The following UHRF2 variants were observed in gnomAD, a reference collection of about 807,000 sequenced individuals.
UHRF2 encodes ubiquitin like with PHD and ring finger domains 2, also known as E3 ubiquitin-protein ligase UHRF2.
UHRF2 carries 23 observed loss-of-function variants against 96.8 expected under a neutral mutation model. The observed-to-expected ratio is 0.24, with a 90% confidence interval of 0.17 to 0.34. The LOEUF is 0.34. UHRF2 is among the 10% of genes least tolerant of loss of function. The probability of loss-of-function intolerance (pLI) is 1.00; values close to 1 mark genes in which losing one functional copy is unlikely to be tolerated. For synonymous variants in UHRF2, 385 were observed against 332.6 expected, an observed-to-expected ratio of 1.16 and a Z score of -1.72; for missense variants, 685 against 981.5, an observed-to-expected ratio of 0.70 and a Z score of 4.04.
At chr9:6,485,980 G>A (rs1453151492) in intron 8 of UHRF2, among the ~76,000 whole-genome samples, 1 of 152,136 alleles carries the variant, frequency 6.6e-6, no homozygotes, top group Non-Finnish European at 1.5e-5. Flanking sequence ...GAAATGGATA[G>A]CATGTTTGGG....
intron 4 of UHRF2, among the ~76,000 whole-genome samples, chr9:6,471,287 T>A (rs1563784554): frequency 1.3e-5 from 2 of 151,978 alleles, no homozygotes; most frequent in African/African-American, 4.8e-5. Context: ...AGGAGAAATA[T>A]GTGTTGGGCC....
At chr9:6,502,669 CT>C (rs1816363481) in intron 14 of UHRF2, among the ~76,000 whole-genome samples, 1 of 152,140 alleles carries the variant, frequency 6.6e-6, no homozygotes, top group Non-Finnish European at 1.5e-5. Flanking sequence ...CACAGACTGC[CT>C]TTTTATTACC....
At chr9:6,460,106 G>A (rs1365696832) in intron 3 of UHRF2, among the ~76,000 whole-genome samples, 1 of 152,172 alleles carries the variant, frequency 6.6e-6, no homozygotes, top group East Asian at 1.9e-4. Flanking sequence ...GTTTTGCTCT[G>A]GGAAGTCAAA....
At chr9:6,468,733 A>C (rs1170721219) in intron 4 of UHRF2, 6 of 455,346 alleles carry the variant, frequency 1.3e-5, no homozygotes, top group Non-Finnish European at 2.7e-5. Context: ...CAGCAGTCTT[A>C]GAAGGCATAC....
At chr9:6,451,479 G>T (rs199795827) in intron 3 of UHRF2, among the ~76,000 whole-genome samples, 2,353 of 110,792 alleles carry the variant, frequency 0.021, 73 homozygotes, top group African/African-American at 0.069. Context: ...TTTTTTTTTT[G>T]TTTGTTTGTT....
intron 9 of UHRF2, among the ~76,000 whole-genome samples, chr9:6,487,782 G>A (rs544184190): frequency 1.5e-4 from 23 of 152,306 alleles, no homozygotes; most frequent in African/African-American, 3.6e-4. Context: ...GATTATAGGC[G>A]TGAGCCACGG....
chr9:6,427,000 G>A (rs570133552), intron 2 of UHRF2, among the ~76,000 whole-genome samples: 2 of 152,238 alleles, frequency 1.3e-5, no homozygotes, highest in African/African-American at 2.4e-5. Flanking sequence ...CACCTGCCTC[G>A]GCCTCCCAAA....
intron 14 of UHRF2, among the ~76,000 whole-genome samples, chr9:6,502,874 T>C (rs918878552): frequency 1.3e-5 from 2 of 152,258 alleles, no homozygotes; most frequent in African/African-American, 4.8e-5. Context: ...AAAATGTGTT[T>C]ATAATACTTT....
At chr9:6,482,245 CTGGAGGT>C in intron 8 of UHRF2, 146 bp downstream of exon 8, 5 of 682,186 alleles carry the variant, frequency 7.3e-6, no homozygotes, top group South Asian at 1.9e-5. Flanking sequence ...TGTACTCTTC[CTGGAGGT>C]TAACAAAGGA....
intron 3 of UHRF2, among the ~76,000 whole-genome samples, chr9:6,449,918 A>C (rs1224798036): frequency 6.6e-6 from 1 of 152,130 alleles, no homozygotes; most frequent in Non-Finnish European, 1.5e-5. Context: ...ACTCTTAGAG[A>C]GCTTGTGTCT....
chr9:6,499,001 A>G (rs1007418179), intron 12 of UHRF2: 2 of 152,228 alleles, frequency 1.3e-5, no homozygotes, highest in Non-Finnish European at 2.9e-5. Context: ...GATTGTTGAA[A>G]ATAAGGCCAT....
At chr9:6,436,964 A>T (rs1235582811) in intron 3 of UHRF2, among the ~76,000 whole-genome samples, 2 of 152,180 alleles carry the variant, frequency 1.3e-5, no homozygotes, top group Non-Finnish European at 2.9e-5. Context: ...GGTAAATGTC[A>T]CCTCTTTAAA....
chr9:6,466,239 A>T (rs1272025947), intron 4 of UHRF2, among the ~76,000 whole-genome samples: 1 of 152,148 alleles, frequency 6.6e-6, no homozygotes, highest in East Asian at 1.9e-4. Flanking sequence ...CATCTCTACT[A>T]AAAATATAAA....
intron 3 of UHRF2, among the ~76,000 whole-genome samples, chr9:6,459,623 C>T (rs1014441970): frequency 2.0e-5 from 3 of 152,122 alleles, no homozygotes; most frequent in African/African-American, 7.2e-5. Flanking sequence ...GAGCTGAGAT[C>T]ACACCACTGC....
At chr9:6,493,192 G>C (rs1016415033) in intron 9 of UHRF2, among the ~76,000 whole-genome samples, 1 of 152,060 alleles carries the variant, frequency 6.6e-6, no homozygotes, top group Admixed American at 6.6e-5. Flanking sequence ...CAGCTGCTTG[G>C]GAGGCTGAGG....
At chr9:6,416,047 A>T (rs1473195877) in intron 1 of UHRF2, among the ~76,000 whole-genome samples, 1 of 152,006 alleles carries the variant, frequency 6.6e-6, no homozygotes, top group Non-Finnish European at 1.5e-5. Context: ...GGCAGTGTTA[A>T]TTGACTCCAC....
chr9:6,449,858 T>C (rs747658140), intron 3 of UHRF2, among the ~76,000 whole-genome samples: 3 of 152,140 alleles, frequency 2.0e-5, no homozygotes, highest in Non-Finnish European at 4.4e-5. Context: ...GTTGTCACAG[T>C]TGGTTGTTGG....
chr9:6,449,115 A>G (rs1167781149), intron 3 of UHRF2, among the ~76,000 whole-genome samples: 1 of 152,180 alleles, frequency 6.6e-6, no homozygotes, highest in Non-Finnish European at 1.5e-5. Context: ...TTGTGGCCCT[A>G]GAAACTGGAT....
chr9:6,458,963 AG>A (rs1376392136), intron 3 of UHRF2, among the ~76,000 whole-genome samples: 1 of 152,218 alleles, frequency 6.6e-6, no homozygotes, highest in Non-Finnish European at 1.5e-5. Context: ...AAACTAACAC[AG>A]GAACAGAAAA....
Sources: allele counts gnomAD v4.1 joint callset (sites outside exome capture counted in the v4.1 genomes callset), GRCh38; gene constraint gnomAD v4.1.1; transcripts MANE v1.5; gene names NCBI Gene and HGNC (gene_info 2026-07-23, HGNC 2026-07-21).